ZNF609: variants seen among roughly 807,000 people sequenced by gnomAD.
ZNF609 encodes the protein zinc finger protein 609.
In ZNF609, 11 loss-of-function variants were observed where a neutral mutation model predicts 109.5. That is an observed-to-expected ratio of 0.10 (90% confidence interval 0.06 to 0.17). ZNF609 has a LOEUF of 0.17. Ranked by LOEUF, ZNF609 falls within the 10% of genes least tolerant of loss-of-function variation. The pLI is 1.00. For missense variants in ZNF609, 1,559 were observed against 1,772.4 expected (o/e 0.88, Z 2.16); for synonymous variants, 646 against 662.0 (o/e 0.98, Z 0.37).
At chr15:64,480,153 C>T (rs919949028) in intron 1 of ZNF609, among the ~76,000 whole-genome samples, 8 of 150,704 alleles carry the variant, frequency 5.3e-5, no homozygotes, top group Admixed American at 4.6e-4. Flanking sequence ...GCAGGAGAAT[C>T]GCTTGAACCT....
chr15:64,581,041 G>T (rs529525330), intron 2 of ZNF609, among the ~76,000 whole-genome samples: 2 of 143,830 alleles, frequency 1.4e-5, no homozygotes, highest in African/African-American at 5.2e-5. Flanking sequence ...TTAGAGACGG[G>T]GGTCTCACCA....
At chr15:64,602,992 A>G (rs1469914222) in intron 2 of ZNF609, among the ~76,000 whole-genome samples, 2 of 137,150 alleles carry the variant, frequency 1.5e-5, no homozygotes, top group East Asian at 2.2e-4. Flanking sequence ...TGATCTGCCC[A>G]CCTTGGTCTC....
chr15:64,579,281 C>T (rs1030487436), intron 2 of ZNF609, among the ~76,000 whole-genome samples: 1 of 151,716 alleles, frequency 6.6e-6, no homozygotes, highest in Non-Finnish European at 1.5e-5. Context: ...ATGGTACATG[C>T]ATGCCTATAG....
intron 2 of ZNF609, among the ~76,000 whole-genome samples, chr15:64,619,348 T>C (rs896420440): frequency 6.6e-6 from 1 of 152,188 alleles, no homozygotes; most frequent in Admixed American, 6.5e-5. Context: ...AATGAAGCTA[T>C]CTTTGTTTCA....
chr15:64,658,769 C>G (rs1249619454), intron 3 of ZNF609, among the ~76,000 whole-genome samples: 3 of 150,970 alleles, frequency 2.0e-5, no homozygotes, highest in African/African-American at 7.3e-5. Context: ...TACACTCCAG[C>G]CTGGATGACA....
At chr15:64,666,088 AACAC>A (rs1555425696) in intron 3 of ZNF609, among the ~76,000 whole-genome samples, 2 of 147,556 alleles carry the variant, frequency 1.4e-5, no homozygotes, top group Admixed American at 6.7e-5. Flanking sequence ...AAAAAAAAAA[AACAC>A]ACACACACAA....
chr15:64,555,907 A>G (rs912433361), intron 2 of ZNF609, among the ~76,000 whole-genome samples: 9 of 151,120 alleles, frequency 6.0e-5, no homozygotes, highest in South Asian at 2.1e-4. Context: ...AAAAAAAAAA[A>G]AAAAGAAAAC....
At chr15:64,587,794 G>C (rs1325693800) in intron 2 of ZNF609, among the ~76,000 whole-genome samples, 1 of 152,064 alleles carries the variant, frequency 6.6e-6, no homozygotes, top group Non-Finnish European at 1.5e-5. Context: ...AATTACTCCT[G>C]ATTGTCTATG....
chr15:64,586,885 A>G (rs1895207819), intron 2 of ZNF609, among the ~76,000 whole-genome samples: 1 of 152,194 alleles, frequency 6.6e-6, no homozygotes, highest in South Asian at 2.1e-4. Context: ...CCTTTCCCAT[A>G]TGTTTCATAC....
chr15:64,467,861 T>C (rs1421856866), intron 1 of ZNF609, among the ~76,000 whole-genome samples: 2 of 152,110 alleles, frequency 1.3e-5, no homozygotes, highest in African/African-American at 4.8e-5. Flanking sequence ...AAAGAAAATA[T>C]GTGCCTTAAG....
intron 3 of ZNF609, among the ~76,000 whole-genome samples, chr15:64,638,547 G>C (rs1050230274): frequency 1.3e-5 from 2 of 151,912 alleles, no homozygotes; most frequent in Non-Finnish European, 2.9e-5. Context: ...GGGAGAATTG[G>C]GGGGAGGGGG....
At chr15:64,490,692 C>T (rs1418440619) in intron 1 of ZNF609, among the ~76,000 whole-genome samples, 1 of 152,164 alleles carries the variant, frequency 6.6e-6, no homozygotes, top group African/African-American at 2.4e-5. Flanking sequence ...CCAAATGAAT[C>T]TCTAAAGGGT....
intron 2 of ZNF609, among the ~76,000 whole-genome samples, chr15:64,618,316 A>C (rs1895830189): frequency 6.6e-6 from 1 of 152,146 alleles, no homozygotes; most frequent in East Asian, 1.9e-4. Context: ...CCTGCTGCTC[A>C]GACCTGTAGG....
intron 2 of ZNF609, among the ~76,000 whole-genome samples, chr15:64,556,166 TTTTA>T (rs1359836854): frequency 6.6e-6 from 1 of 151,810 alleles, no homozygotes; most frequent in African/African-American, 2.4e-5. Context: ...ATTTTTTTTT[TTTTA>T]TTATTTGTAG....
At chr15:64,543,050 T>G (rs1166682075) in intron 2 of ZNF609, among the ~76,000 whole-genome samples, 3 of 152,282 alleles carry the variant, frequency 2.0e-5, no homozygotes, top group African/African-American at 4.8e-5. Flanking sequence ...CATCTGAGGC[T>G]TAAAACCTAG....
chr15:64,625,936 T>TATATAGAGAG (rs1307358546), intron 3 of ZNF609, among the ~76,000 whole-genome samples: 1 of 79,592 alleles, frequency 1.3e-5, no homozygotes, highest in African/African-American at 6.5e-5. Flanking sequence ...TATATATATA[T>TATATAGAGAG]AGAGAGAGAG....
intron 3 of ZNF609, among the ~76,000 whole-genome samples, chr15:64,625,445 C>T (rs1030831599): frequency 2.6e-5 from 4 of 151,062 alleles, no homozygotes; most frequent in Non-Finnish European, 4.4e-5. Flanking sequence ...ACTTGAACCC[C>T]GGAGGTGGAG....
intron 3 of ZNF609, among the ~76,000 whole-genome samples, chr15:64,633,973 TATTTA>T (rs1278001215): frequency 6.6e-6 from 1 of 152,228 alleles, no homozygotes; most frequent in Non-Finnish European, 1.5e-5. Flanking sequence ...TGTTTAATTT[TATTTA>T]ATTTAAATTT....
chr15:64,634,728 T>G (rs1372374492), intron 3 of ZNF609, among the ~76,000 whole-genome samples: 2 of 152,086 alleles, frequency 1.3e-5, no homozygotes, highest in African/African-American at 2.4e-5. Context: ...CATACTAGCT[T>G]GAATCCCGAA....
Sources: allele counts gnomAD v4.1 joint callset (sites outside exome capture counted in the v4.1 genomes callset), GRCh38; gene constraint gnomAD v4.1.1; transcripts MANE v1.5; gene names NCBI Gene and HGNC (gene_info 2026-07-23, HGNC 2026-07-21).